The following SRBD1 variants were observed in gnomAD, a reference collection of about 807,000 sequenced individuals.
SRBD1 encodes the protein S1 RNA binding domain 1.
A neutral mutation model predicts 115.3 loss-of-function variants in SRBD1; 88 were observed. The observed-to-expected ratio is 0.76, with a 90% CI of 0.64 to 0.91. SRBD1 has a LOEUF of 0.91. Among genes scored for constraint, SRBD1 ranks in the 40% least tolerant of loss-of-function variants. The pLI is 0.00. For missense variants in SRBD1, 1,385 were observed against 1,177.4 expected (o/e 1.18, Z -2.58); for synonymous variants, 509 against 407.7 (o/e 1.25, Z -2.99).
chr2:45,510,756 T>C (rs1670940912), intron 14 of SRBD1, among the ~76,000 whole-genome samples: 1 of 152,216 alleles, frequency 6.6e-6, no homozygotes, highest in Admixed American at 6.5e-5. Flanking sequence ...TAGCTACCAA[T>C]TAGTAAAGTC....
At chr2:45,484,451 GC>G (rs1389749343) in intron 15 of SRBD1, among the ~76,000 whole-genome samples, 7 of 152,140 alleles carry the variant, frequency 4.6e-5, no homozygotes, top group Non-Finnish European at 1.0e-4. Flanking sequence ...TCATTTGTAA[GC>G]TGTGCCCTCT....
intron 14 of SRBD1, chr2:45,546,078 T>G (rs754481391): frequency 2.9e-5 from 23 of 786,664 alleles, no homozygotes; most frequent in Non-Finnish European, 3.5e-5. Flanking sequence ...TAGGACTTAA[T>G]ATTCTACTAT....
intron 16 of SRBD1, among the ~76,000 whole-genome samples, chr2:45,441,087 G>A (rs191674872): frequency 6.6e-6 from 1 of 152,110 alleles, no homozygotes; most frequent in Non-Finnish European, 1.5e-5. Flanking sequence ...ATGTGAACTG[G>A]CTTCCAGCCC....
At chr2:45,497,549 C>T (rs969695877) in intron 14 of SRBD1, among the ~76,000 whole-genome samples, 3 of 152,136 alleles carry the variant, frequency 2.0e-5, no homozygotes, top group Non-Finnish European at 4.4e-5. Flanking sequence ...TTCACTGTGG[C>T]TGAGAATTTG....
chr2:45,461,301 A>C (rs1420871589), intron 16 of SRBD1, among the ~76,000 whole-genome samples: 1 of 152,200 alleles, frequency 6.6e-6, no homozygotes, highest in Non-Finnish European at 1.5e-5. Flanking sequence ...TAAATGGCTT[A>C]CTGATTTCCA....
chr2:45,389,984 CT>C (rs201315742), intron 20 of SRBD1, among the ~76,000 whole-genome samples: 20 of 150,960 alleles, frequency 1.3e-4, no homozygotes, highest in Admixed American at 9.3e-4. Flanking sequence ...AGACTGGAAG[CT>C]TTTTTTTTGG....
At chr2:45,566,565 A>C (rs1328522534) in intron 9 of SRBD1, among the ~76,000 whole-genome samples, 1 of 152,224 alleles carries the variant, frequency 6.6e-6, no homozygotes, top group Non-Finnish European at 1.5e-5. Context: ...ATTTGGGAGA[A>C]AAATGTCCTA....
intron 18 of SRBD1, among the ~76,000 whole-genome samples, chr2:45,417,840 C>A (rs1667877071): frequency 6.6e-6 from 1 of 152,168 alleles, no homozygotes; most frequent in South Asian, 2.1e-4. Flanking sequence ...GTCACCTCAT[C>A]TTGTACCAGT....
At chr2:45,451,101 G>C (rs545701440) in intron 16 of SRBD1, among the ~76,000 whole-genome samples, 2 of 152,198 alleles carry the variant, frequency 1.3e-5, no homozygotes, top group Admixed American at 6.5e-5. Context: ...GCTATTTGCA[G>C]GGTGATGACT....
At chr2:45,491,685 A>AT (rs1670296367) in intron 14 of SRBD1, among the ~76,000 whole-genome samples, 1 of 152,164 alleles carries the variant, frequency 6.6e-6, no homozygotes. Context: ...TTTAAGCACT[A>AT]TTTTTAGGAT....
At chr2:45,521,732 C>G (rs113404438) in intron 14 of SRBD1, among the ~76,000 whole-genome samples, 1,771 of 152,132 alleles carry the variant, frequency 0.012, 42 homozygotes, top group African/African-American at 0.039. Context: ...TTTAGGTGGC[C>G]AAAGTGGGAG....
At chr2:45,598,017 G>A (rs1349637620) in intron 4 of SRBD1, among the ~76,000 whole-genome samples, 3 of 152,218 alleles carry the variant, frequency 2.0e-5, no homozygotes, top group Admixed American at 6.5e-5. Flanking sequence ...AAAAGCGTTA[G>A]AAAAGGAAAA....
intron 14 of SRBD1, among the ~76,000 whole-genome samples, chr2:45,532,296 T>C (rs937422255): frequency 6.6e-6 from 1 of 151,854 alleles, no homozygotes; most frequent in Admixed American, 6.6e-5. Context: ...ACAGACAGTG[T>C]TAAATACCAG....
intron 6 of SRBD1, among the ~76,000 whole-genome samples, chr2:45,580,356 T>G (rs1294483020): frequency 1.3e-5 from 2 of 151,830 alleles, no homozygotes; most frequent in East Asian, 3.9e-4. Context: ...TGTTTTTTTC[T>G]TTTTTTTGAG....
chr2:45,433,003 G>T (rs1341481322), intron 16 of SRBD1, among the ~76,000 whole-genome samples: 2 of 152,044 alleles, frequency 1.3e-5, no homozygotes, highest in Non-Finnish European at 2.9e-5. Flanking sequence ...GAAACACTGT[G>T]GACTACAGTT....
chr2:45,424,236 A>T (rs565727178), intron 16 of SRBD1, among the ~76,000 whole-genome samples: 18 of 152,142 alleles, frequency 1.2e-4, no homozygotes, highest in Non-Finnish European at 2.4e-4. Context: ...ACTTTGTGCT[A>T]GGCAGCTTCC....
intron 16 of SRBD1, among the ~76,000 whole-genome samples, chr2:45,424,713 T>C (rs1043852793): frequency 2.0e-5 from 3 of 152,226 alleles, no homozygotes; most frequent in African/African-American, 7.2e-5. Context: ...GCCCTCGTCA[T>C]GACGAAGTAA....
At chr2:45,579,776 G>T in intron 7 of SRBD1, 99 bp downstream of exon 7, 1 of 1,305,194 alleles carries the variant, frequency 7.7e-7, no homozygotes, top group Non-Finnish European at 1.0e-6. Flanking sequence ...ATATTCTTTT[G>T]TATAATCAGT....
chr2:45,406,874 T>A (rs1448708298), intron 19 of SRBD1, among the ~76,000 whole-genome samples: 2 of 146,386 alleles, frequency 1.4e-5, no homozygotes, highest in Non-Finnish European at 3.0e-5. Flanking sequence ...TTCCAGATAC[T>A]TTTTTTTTTT....
Sources: gnomAD v4.1 joint callset for allele counts (sites outside exome capture counted in the v4.1 genomes callset) on GRCh38, gnomAD v4.1.1 for gene constraint, MANE v1.5 for transcripts, NCBI Gene and HGNC (gene_info 2026-07-23, HGNC 2026-07-21) for gene names.